The following TMEM244 variants were observed in gnomAD, a reference collection of about 807,000 sequenced individuals.
TMEM244 encodes transmembrane protein 244.
In TMEM244, 13 loss-of-function variants were observed where a neutral mutation model predicts 15.8. That is an observed-to-expected ratio of 0.82 (90% CI 0.53 to 1.30). The LOEUF is 1.30. Ranked by LOEUF, TMEM244 falls within the 50% of genes most tolerant of loss-of-function variation. The probability of loss-of-function intolerance (pLI) is 0.00; values close to 1 mark genes in which losing one functional copy is unlikely to be tolerated. For synonymous variants in TMEM244, 45 were observed against 48.7 expected (o/e 0.92, Z 0.32); for missense variants, 161 against 144.9 (o/e 1.11, Z -0.57).
chr6:129,844,578 G>A (rs1206721598), intron 2 of TMEM244, among the ~76,000 whole-genome samples: 1 of 152,132 alleles, frequency 6.6e-6, no homozygotes, highest in Non-Finnish European at 1.5e-5. Flanking sequence ...GTGTGCAGCT[G>A]GCCAACCAGT....
intron 2 of TMEM244, among the ~76,000 whole-genome samples, chr6:129,844,619 T>C (rs1776537917): frequency 1.3e-5 from 2 of 152,182 alleles, no homozygotes; most frequent in Admixed American, 1.3e-4. Flanking sequence ...AAGGTCTAAT[T>C]ACTTCAAATT....
chr6:129,859,805 G>A (rs1776774943), intron 1 of TMEM244, among the ~76,000 whole-genome samples: 1 of 152,096 alleles, frequency 6.6e-6, no homozygotes, highest in Non-Finnish European at 1.5e-5. Context: ...CTCAATAAAT[G>A]TTTGTTGAGT....
intron 1 of TMEM244, among the ~76,000 whole-genome samples, chr6:129,848,124 C>G (rs998620913): frequency 1.3e-5 from 2 of 152,130 alleles, no homozygotes; most frequent in Non-Finnish European, 2.9e-5. Flanking sequence ...CCTTCAGTCT[C>G]TCTTTCCTCA....
chr6:129,852,855 G>A (rs1776653411), intron 1 of TMEM244, among the ~76,000 whole-genome samples: 1 of 152,020 alleles, frequency 6.6e-6, no homozygotes, highest in Admixed American at 6.6e-5. Flanking sequence ...TTGCAATCCA[G>A]TCTCAGCCTC....
At chr6:129,835,969 A>G (rs941414374) in intron 3 of TMEM244, among the ~76,000 whole-genome samples, 3 of 152,124 alleles carry the variant, frequency 2.0e-5, no homozygotes, top group African/African-American at 7.2e-5. Flanking sequence ...TATAGATTCT[A>G]CCTCTTGGGG....
intron 1 of TMEM244, among the ~76,000 whole-genome samples, chr6:129,849,107 T>G (rs1193814069): frequency 6.6e-6 from 1 of 152,080 alleles, no homozygotes; most frequent in African/African-American, 2.4e-5. Context: ...TTAATTAAAT[T>G]ATAATTTGCG....
chr6:129,832,282 G>C (rs754185218), intron 4 of TMEM244, among the ~76,000 whole-genome samples: 3 of 151,832 alleles, frequency 2.0e-5, no homozygotes, highest in Non-Finnish European at 4.4e-5. Context: ...ATTTTTAGTA[G>C]AGATGGGGTT....
intron 3 of TMEM244, among the ~76,000 whole-genome samples, chr6:129,837,270 C>T (rs1046546129): frequency 6.6e-6 from 1 of 152,174 alleles, no homozygotes; most frequent in Non-Finnish European, 1.5e-5. Flanking sequence ...GGCCAATATT[C>T]AACATTCTTA....
chr6:129,831,395 GA>G lies in TMEM244; in HGVS notation c.320-10del, dbSNP rs146579102. On this transcript the variant is annotated splice_polypyrimidine_tract_variant and intron_variant, in intron 4 of 4. Transcript: ENST00000368143. ...GGGGAATTCCAACATAACTGCAATA[GA>G]AAAAAAATGTTTAATTTCAAAACAT... is the stretch of plus-strand genomic sequence containing the variant. The G allele has an allele frequency of 2.2e-5, 34 of 1,544,038 alleles. No individual in the cohort carries two copies. The highest frequency in any genetic ancestry group is 1.7e-4 in the Middle Eastern group (1 of 5,950).
rs534747376 is a variant in TMEM244 at position 129,853,002 on chromosome 6, T to C, written c.34-7150A>G. ...CTATTGATGGAGCTCATTTTGGAAG[T>C]TGAAAAAACAAATGAGCACCCACAG... On this transcript the variant is annotated intron_variant, in intron 1 of 4. Coordinates refer to ENST00000368143, the MANE Select transcript of TMEM244 (RefSeq NM_001010876.2). 2.0e-5 allele frequency among the ~76,000 whole-genome samples: 3 copies of C among 152,272 alleles called. No homozygotes were observed. The East Asian group carries it at 5.8e-4, about 29-fold the overall frequency.
intron 2 of TMEM244, 112 bp downstream of exon 2, chr6:129,845,655 T>TA (rs942165018): frequency 5.9e-6 from 5 of 849,100 alleles, no homozygotes; most frequent in Non-Finnish European, 9.5e-6. Context: ...ACTATGTCTT[T>TA]AAAAAAATCC....
intron 1 of TMEM244, among the ~76,000 whole-genome samples, chr6:129,858,879 T>C (rs373226667): frequency 3.9e-5 from 6 of 151,932 alleles, no homozygotes; most frequent in African/African-American, 1.5e-4. Context: ...CTGTAACCTC[T>C]GCCTCCCGGC....
intron 1 of TMEM244, among the ~76,000 whole-genome samples, chr6:129,850,784 C>T (rs1003161279): frequency 9.9e-5 from 15 of 152,150 alleles, no homozygotes; most frequent in Non-Finnish European, 1.5e-4. Flanking sequence ...GTTCATACTA[C>T]GTCTTAGAAG....
chr6:129,834,996 A>G (rs949026061), intron 3 of TMEM244, among the ~76,000 whole-genome samples: 3 of 149,994 alleles, frequency 2.0e-5, no homozygotes, highest in African/African-American at 7.6e-5. Context: ...AATAGAGAAT[A>G]CTTATGCTTT....
chr6:129,851,921 CATTTGGCT>C (rs1346668988), intron 1 of TMEM244, among the ~76,000 whole-genome samples: 1 of 152,078 alleles, frequency 6.6e-6, no homozygotes, highest in Non-Finnish European at 1.5e-5. Context: ...ATTTATGGGA[CATTTGGCT>C]ATTTAAACTT....
intron 1 of TMEM244, among the ~76,000 whole-genome samples, chr6:129,846,953 A>G (rs571086439): frequency 2.9e-4 from 44 of 152,326 alleles, no homozygotes; most frequent in Non-Finnish European, 5.0e-4. Context: ...AAACAAAAAA[A>G]TCCCATTAGA....
intron 1 of TMEM244, among the ~76,000 whole-genome samples, chr6:129,846,617 A>G (rs1353956974): frequency 6.6e-6 from 1 of 152,172 alleles, no homozygotes; most frequent in Non-Finnish European, 1.5e-5. Context: ...TTGTATTTTA[A>G]CTTGACAAAA....
At chr6:129,849,599 T>A (rs1001509450) in intron 1 of TMEM244, among the ~76,000 whole-genome samples, 6 of 152,138 alleles carry the variant, frequency 3.9e-5, no homozygotes, top group Non-Finnish European at 2.9e-5. Flanking sequence ...CAGACTCACA[T>A]TAAGTTCCTG....
chr6:129,850,365 G>A (rs1329741738), intron 1 of TMEM244, among the ~76,000 whole-genome samples: 2 of 152,174 alleles, frequency 1.3e-5, no homozygotes, highest in Admixed American at 6.5e-5. Context: ...CTAGAGAGGG[G>A]CCATTAGGTC....
Sources: allele counts gnomAD v4.1 joint callset (sites outside exome capture counted in the v4.1 genomes callset), GRCh38; gene constraint gnomAD v4.1.1; transcripts MANE v1.5; gene names NCBI Gene and HGNC (gene_info 2026-07-23, HGNC 2026-07-21).